The following PZP variants were observed in gnomAD, a reference collection of about 807,000 sequenced individuals.
The protein encoded by PZP is pregnancy zone protein.
PZP carries 150 observed loss-of-function variants against 179.8 expected under a neutral mutation model. That is an observed-to-expected ratio of 0.83 (90% CI 0.73 to 0.96). The LOEUF (loss-of-function observed/expected upper bound fraction) is 0.96. Among genes scored for constraint, PZP ranks in the 40% least tolerant of loss-of-function variants. PZP has a pLI of 0.00. For synonymous variants in PZP, 624 were observed against 652.3 expected (o/e 0.96, Z 0.66); for missense variants, 1,689 against 1,764.0 (o/e 0.96, Z 0.76).
intron 13 of PZP, among the ~76,000 whole-genome samples, chr12:9,184,536 T>A (rs1592521903): frequency 6.6e-6 from 1 of 152,062 alleles, no homozygotes; most frequent in East Asian, 1.9e-4. Flanking sequence ...TGGCACCTGC[T>A]AGCACCCTGC....
chr12:9,143,696 G>A, the PZP span, among the ~76,000 whole-genome samples: 6 of 152,166 alleles, frequency 3.9e-5, no homozygotes, highest in Non-Finnish European at 7.4e-5. Context: ...TGCCATTTTC[G>A]GGCCATTAGC....
chr12:9,151,562 A>T (rs779008350), intron 33 of PZP, 42 bp downstream of exon 33: 4 of 1,541,902 alleles, frequency 2.6e-6, no homozygotes, highest in Non-Finnish European at 3.6e-6. Context: ...ACTTAGAAAG[A>T]CGACCCATAT....
chr12:9,168,276 A>C (rs1313136888), intron 17 of PZP, among the ~76,000 whole-genome samples: 1 of 152,206 alleles, frequency 6.6e-6, no homozygotes, highest in Non-Finnish European at 1.5e-5. Context: ...CGAGCATATA[A>C]ATATTTGTGA....
chr12:9,208,112 C>A, intron 1 of PZP, 147 bp downstream of exon 1: 3 of 603,196 alleles, frequency 5.0e-6, no homozygotes, highest in Non-Finnish European at 9.0e-6. Flanking sequence ...AAATGAAAGA[C>A]AAACAAGGGA....
chr12:9,201,170 C>A, intron 5 of PZP, 110 bp from the exon 6 acceptor site: 2 of 1,432,548 alleles, frequency 1.4e-6, no homozygotes, highest in South Asian at 1.3e-5. Context: ...AAGACAAATA[C>A]AGAAGGAAGA....
intron 13 of PZP, among the ~76,000 whole-genome samples, chr12:9,190,694 A>T (rs1943410822): frequency 1.3e-5 from 2 of 152,292 alleles, no homozygotes; most frequent in African/African-American, 4.8e-5. Context: ...TCAAACCTAA[A>T]ATAAAAGTTT....
At chr12:9,189,546 A>G (rs1943332259) in intron 13 of PZP, among the ~76,000 whole-genome samples, 1 of 152,250 alleles carries the variant, frequency 6.6e-6, no homozygotes, top group South Asian at 2.1e-4. Flanking sequence ...ACTCTGGAAG[A>G]CAACCTAGGC....
At chr12:9,148,456 A>G (rs1171610035), downstream of PZP, among the ~76,000 whole-genome samples, 1 of 151,838 alleles carries the variant, frequency 6.6e-6, no homozygotes, top group Non-Finnish European at 1.5e-5. Context: ...CTTCACTCTC[A>G]TCTCTTTATT....
chr12:9,160,561 G>A, intron 23 of PZP, 71 bp from the exon 24 acceptor site: 1 of 1,406,956 alleles, frequency 7.1e-7, no homozygotes, highest in South Asian at 1.2e-5. Context: ...TAACAAAAAT[G>A]GCCTTTATAT....
downstream of PZP, among the ~76,000 whole-genome samples, chr12:9,145,900 C>T (rs144958935): frequency 7.9e-4 from 120 of 152,244 alleles, no homozygotes; most frequent in African/African-American, 2.6e-3. Context: ...GCTGAAAAAC[C>T]AGCTGATCAT....
At chr12:9,140,837 T>C in the PZP span, among the ~76,000 whole-genome samples, 1 of 151,920 alleles carries the variant, frequency 6.6e-6, no homozygotes, top group Admixed American at 6.5e-5. Context: ...TTCCCGAGAG[T>C]TTTATTGGCT....
At position 9,170,117 on chromosome 12, in the gene PZP, C is replaced by G. The variant is rs954096891; in HGVS notation, c.1840-526G>C. 7.9e-5 allele frequency: 12 copies of G among 152,272 alleles called. No individual in the cohort carries two copies. The highest frequency in any genetic ancestry group is 2.9e-4 in the African/African-American group (12 of 41,446). The allele number at this position is 152,272 out of a possible 1,614,324, so 9.4% of individuals were successfully genotyped here. ...AAATACCCAGGTTCTCACATTGAGA[C>G]TGACTAGGCAAGCAACTTGAGCCAC... On this transcript the variant is annotated intron_variant, in intron 15 of 35. Transcript: ENST00000261336. The surrounding 1 kb of genome is among the most constrained non-coding windows in gnomAD (Gnocchi z 4.6).
At chr12:9,201,520 G>A (rs1944159703) in intron 4 of PZP, among the ~76,000 whole-genome samples, 173 bp from the exon 5 acceptor site, 1 of 152,108 alleles carries the variant, frequency 6.6e-6, no homozygotes, top group African/African-American at 2.4e-5. Flanking sequence ...TCTAGGATGA[G>A]CATACACAAT....
rs746619891 is a variant in PZP at position 9,180,993 on chromosome 12, G to C, written c.1829C>G (p.Ser610Cys). ...CCACTGGAAACTCACTGAGGACACA[G>C]AGAGCTCAGCCTCAGGCTTCATGAG... The part of the protein sequence containing the change: ...VLLMKPEAEL[S>C]VSSVYNLLTV... Residue 610 changes from serine to cysteine, a missense_variant, in exon 15 of 36, where the codon TCT becomes TGT. By Grantham distance (112) the Ser-to-Cys change is moderately radical (BLOSUM62 -1). This residue lies in a region of PZP where 742 missense variants were observed against 730.5 expected (regional missense o/e 1.02). Transcript: ENST00000261336. 15 of 1,613,426 alleles carry C rather than the reference G, an allele frequency of 9.3e-6. No individual in the cohort carries two copies. Among genetic ancestry groups the C allele is most frequent in the Non-Finnish European group, 1.3e-5 (15 of 1,179,776 alleles).
intron 21 of PZP, among the ~76,000 whole-genome samples, chr12:9,163,130 G>C (rs1405852955): frequency 6.6e-6 from 1 of 152,064 alleles, no homozygotes; most frequent in African/African-American, 2.4e-5. Context: ...GTAAATCAAA[G>C]CTAATGGGTA....
chr12:9,197,149 A>C, intron 7 of PZP, 26 bp from the exon 8 acceptor site: 1 of 1,482,486 alleles, frequency 6.7e-7, no homozygotes, highest in Non-Finnish European at 9.4e-7. Flanking sequence ...TAAATCAGGA[A>C]TTGAGAATGG....
intron 1 of PZP, 85 bp from the exon 2 acceptor site, chr12:9,204,036 A>G: frequency 7.7e-7 from 1 of 1,290,936 alleles, no homozygotes; most frequent in Non-Finnish European, 1.1e-6. Context: ...AACAATATGT[A>G]TTAATTGGTG....
chr12:9,136,551 G>A, the PZP span, among the ~76,000 whole-genome samples: 1 of 151,992 alleles, frequency 6.6e-6, no homozygotes, highest in Admixed American at 6.6e-5. Flanking sequence ...ATATATATAT[G>A]CATGTATATA....
At position 9,165,358 on chromosome 12, in the gene PZP, A is replaced by G. The variant is rs200003595; in HGVS notation, c.2268T>C (p.Gly756=). 5.8e-5 allele frequency: 93 copies of G among 1,613,920 alleles called. No individual in the cohort carries two copies. Among genetic ancestry groups the G allele is most frequent in the Non-Finnish European group, 7.6e-5 (90 of 1,179,884 alleles). Reference sequence around the variant, plus strand: ...GGACTGTTACTCCTACCTCAGCCACACCTGATGAGCTGGGGAGGAGGGCAA... The same window carrying G: ...GGACTGTTACTCCTACCTCAGCCACGCCTGATGAGCTGGGGAGGAGGGCAA... ...IWELVAVNSS[G]VAEVGVTVPD... Residue 756 remains glycine, a synonymous_variant, in exon 19 of 36, where the codon GGT becomes GGC. Coordinates refer to ENST00000261336, the MANE Select transcript of PZP (RefSeq NM_002864.3).
Sources: gnomAD v4.1 joint callset for allele counts (sites outside exome capture counted in the v4.1 genomes callset) on GRCh38, gnomAD v4.1.1 for gene constraint, gnomAD v4.1.1 regional missense constraint, Gnocchi (gnomAD v3.1) non-coding constraint, MANE v1.5 for transcripts, NCBI Gene and HGNC (gene_info 2026-07-23, HGNC 2026-07-21) for gene names.